Variants in EPHA8 observed in about 807,000 individuals in gnomAD.
EPHA8 encodes the protein ephrin type-A receptor 8.
In EPHA8, 58 loss-of-function variants were observed where a neutral mutation model predicts 103.6. The ratio of observed to expected loss-of-function variants is 0.56; its 90% CI spans 0.45 to 0.70. EPHA8 has a LOEUF of 0.70. EPHA8 is among the 30% of genes least tolerant of loss of function. EPHA8 has a pLI of 0.00. For missense variants in EPHA8, 1,304 were observed against 1,395.2 expected (o/e 0.93, Z 1.04); for synonymous variants, 559 against 572.5 (o/e 0.98, Z 0.34).
chr1:22,576,865 C>T lies in EPHA8; in HGVS notation c.808C>T (p.Arg270Trp). Residue 270 changes from arginine (R) to tryptophan (W), a missense_variant, in exon 3 of 17, where the codon CGG becomes TGG. Transcript: ENST00000166244. The surrounding 1 kb of genome is among the most constrained non-coding windows in gnomAD (Gnocchi z 4.8). ...GTGCAGTGCCGGCTACGAGGAGCGGCGGGATGCCTGTGTGGGTGAGCGCGC... is the reference window on the plus strand; with the variant it reads ...GTGCAGTGCCGGCTACGAGGAGCGGTGGGATGCCTGTGTGGGTGAGCGCGC... ...CVCSAGYEER[R>W]DACVACELGF... is the part of the protein sequence containing the mutation. The T allele has an allele frequency of 6.3e-7, 1 of 1,593,438 alleles. No individual in the cohort carries two copies. The highest frequency in any genetic ancestry group is 8.6e-7 in the Non-Finnish European group (1 of 1,167,750).
intron 2 of EPHA8, among the ~76,000 whole-genome samples, chr1:22,571,559 T>A (rs920329350): frequency 6.6e-6 from 1 of 152,266 alleles, no homozygotes; most frequent in Non-Finnish European, 1.5e-5. Context: ...AAGCCTGCAC[T>A]CTCTGCTGAG....
Position 22,597,467 on chromosome 1 carries a change from A to T in EPHA8, c.1921A>T (p.Ile641Phe). ...CTCTAGGATCCACATCGAGAAAATC[A>T]TCGGCTCTGGTGAGTCTCAGGGGTT... is the stretch of plus-strand genomic sequence containing the variant. ...EASRIHIEKI[I>F]GSGDSGEVCY... Residue 641 changes from isoleucine to phenylalanine, a missense_variant, in exon 10 of 17, where the codon ATC (isoleucine) becomes TTC (phenylalanine). By Grantham distance (21) the Ile-to-Phe change is conservative. Coordinates refer to ENST00000166244, the MANE Select transcript of EPHA8 (RefSeq NM_020526.5). This position sits in a 1 kb window ranked among gnomAD's most constrained non-coding sequence, Gnocchi z 4.6. 6.2e-7 allele frequency: 1 copy of T among 1,612,990 alleles called. No homozygotes were observed. Among genetic ancestry groups the T allele is most frequent in the African/African-American group, 1.3e-5 (1 of 75,044 alleles).
At chr1:22,592,403 C>T (rs1273462344) in intron 5 of EPHA8, among the ~76,000 whole-genome samples, 1 of 152,210 alleles carries the variant, frequency 6.6e-6, no homozygotes, top group Non-Finnish European at 1.5e-5. Flanking sequence ...AAGTGACTCA[C>T]CCAGGGTCCC....
intron 5 of EPHA8, 24 bp from the exon 6 acceptor site, chr1:22,593,302 A>T (rs1478152721): frequency 1.3e-6 from 2 of 1,549,844 alleles, no homozygotes; most frequent in Non-Finnish European, 1.7e-6. Context: ...CCCTCCGCCC[A>T]TCTGACGGGA....
chr1:22,595,125 A>T, intron 7 of EPHA8, 105 bp from the exon 8 acceptor site: 1 of 908,804 alleles, frequency 1.1e-6, no homozygotes, highest in Non-Finnish European at 1.6e-6. Flanking sequence ...TGGGCTCCCC[A>T]CTGGCCCCAG....
Position 22,569,307 on chromosome 1 carries a change from C to T in EPHA8, c.113C>T (p.Ser38Leu), listed in dbSNP as rs767316353. ...ARGEVNLLDT[S>L]TIHGDWGWLT... ...TTTACAGTGAATTTGCTGGACACGT[C>T]GACCATCCACGGGGACTGGGGCTGG... The change falls in exon 2 of 17, where the codon TCG becomes TTG. Residue 38 changes from serine (S) to leucine (L), a missense_variant. By Grantham distance (145) the Ser-to-Leu change is moderately radical (BLOSUM62 -2). Coordinates refer to ENST00000166244, the MANE Select transcript of EPHA8 (RefSeq NM_020526.5). The surrounding 1 kb of genome is among the most constrained non-coding windows in gnomAD (Gnocchi z 4.5). 1.1e-5 allele frequency: 17 copies of T among 1,611,432 alleles called. No homozygotes were observed. Among genetic ancestry groups the T allele is most frequent in the African/African-American group, 5.3e-5 (4 of 74,844 alleles).
At position 22,597,741 on chromosome 1, in the gene EPHA8, A is replaced by C. The variant is rs368786183; in HGVS notation, c.1996A>C (p.Ile666Leu). 440 of 1,612,946 alleles carry C rather than the reference A, an allele frequency of 2.7e-4. No individual in the cohort carries two copies. Among genetic ancestry groups the C allele is most frequent in the Non-Finnish European group, 3.5e-4 (412 of 1,179,964 alleles). The change falls in exon 11 of 17, where the codon ATC becomes CTC. Residue 666 changes from isoleucine to leucine, a missense_variant. Ile to Leu is a conservative substitution (Grantham distance 5). Coordinates refer to ENST00000166244, the MANE Select transcript of EPHA8 (RefSeq NM_020526.5). The surrounding 1 kb of genome is among the most constrained non-coding windows in gnomAD (Gnocchi z 4.6). ...AGGGCAGCGGGATGTGCCCGTGGCC[A>C]TCAAGGCCCTCAAAGCCGGCTACAC... ...VPGQRDVPVA[I>L]KALKAGYTER...
intron 3 of EPHA8, among the ~76,000 whole-genome samples, chr1:22,585,053 GCAC>G (rs1557568072): frequency 1.8e-4 from 17 of 94,232 alleles, no homozygotes; most frequent in African/African-American, 8.9e-4. Flanking sequence ...GTGTGTGTGC[GCAC>G]GCGTGTGTCT....
intron 3 of EPHA8, among the ~76,000 whole-genome samples, chr1:22,578,203 C>CAT (rs144731324): frequency 0.45 from 34,357 of 76,878 alleles, 5,368 homozygotes; most frequent in African/African-American, 0.59. Flanking sequence ...TGTGTGCGTG[C>CAT]GAGTGTGTGC....
intron 8 of EPHA8, 78 bp from the exon 9 acceptor site, chr1:22,596,028 T>C: frequency 2.2e-6 from 3 of 1,357,754 alleles, no homozygotes; most frequent in South Asian, 1.2e-5. Context: ...AGAGAAGCCA[T>C]GACTCGTTCC....
At chr1:22,577,070 G>A (rs1177394337) in intron 3 of EPHA8, among the ~76,000 whole-genome samples, 190 bp downstream of exon 3, 1 of 152,172 alleles carries the variant, frequency 6.6e-6, no homozygotes, top group South Asian at 2.1e-4. Flanking sequence ...TCCGTGTGTT[G>A]GGAAGGACGT....
At chr1:22,585,070 G>A (rs1641165344) in intron 3 of EPHA8, among the ~76,000 whole-genome samples, 1 of 110,522 alleles carries the variant, frequency 9.0e-6, no homozygotes, top group Admixed American at 8.5e-5. Context: ...TGTGTCTAGA[G>A]TTCCAGAAGG....
At position 22,569,287 on chromosome 1, in the gene EPHA8, A is replaced by C; in HGVS notation, c.95-2A>C. The C allele has an allele frequency of 6.2e-7, 1 of 1,613,282 alleles. No individual in the cohort carries two copies. The highest frequency in any genetic ancestry group is 8.5e-7 in the Non-Finnish European group (1 of 1,179,658). On this transcript the variant is annotated splice_acceptor_variant, in intron 1 of 16. Transcript: ENST00000166244. LOFTEE classifies it high-confidence loss of function. This position sits in a 1 kb window ranked among gnomAD's most constrained non-coding sequence, Gnocchi z 4.5. ...GATGCCCTCTTGTCTCCTGTTTTAC[A>C]GTGAATTTGCTGGACACGTCGACCA... is the stretch of plus-strand genomic sequence containing the variant.
At chr1:22,564,097 T>G (rs1569935501) in intron 1 of EPHA8, among the ~76,000 whole-genome samples, 1 of 121,088 alleles carries the variant, frequency 8.3e-6, no homozygotes, top group South Asian at 2.6e-4. Context: ...TACAGTGAGG[T>G]AGGGCAAGGA....
At position 22,567,161 on chromosome 1, in the gene EPHA8, C is replaced by A. The variant is rs932847468; in HGVS notation, c.95-2128C>A. Reference sequence around the variant, plus strand: ...CAGTGGACATCCACTTGAGTGGCTCCGGGATAGGGACAGGTCTGGGCTGCA... The same window carrying A: ...CAGTGGACATCCACTTGAGTGGCTCAGGGATAGGGACAGGTCTGGGCTGCA... On this transcript the variant is annotated intron_variant, in intron 1 of 16. Coordinates refer to ENST00000166244, the MANE Select transcript of EPHA8 (RefSeq NM_020526.5). The surrounding 1 kb of genome is among the most constrained non-coding windows in gnomAD (Gnocchi z 4.2). Among the ~76,000 whole-genome samples the A allele has an allele frequency of 6.6e-6, 1 of 152,116 alleles. No homozygotes were observed. The highest frequency in any genetic ancestry group is 1.5e-5 in the Non-Finnish European group (1 of 68,006).
chr1:22,589,164 C>A lies in EPHA8; in HGVS notation c.1273C>A (p.Pro425Thr). ...TGGCGTGTCCGACCTGAGCCCCGAG[C>A]CCCGCCGGGCCGCTGTGGTCAACAT... is the stretch of plus-strand genomic sequence containing the variant. The part of the protein sequence containing the change: ...VNGVSDLSPE[P>T]RRAAVVNITT... Residue 425 changes from proline to threonine, a missense_variant, in exon 5 of 17, where the codon CCC becomes ACC. Transcript: ENST00000166244. The surrounding 1 kb of genome is among the most constrained non-coding windows in gnomAD (Gnocchi z 4.3). 1 of 1,613,830 alleles carries A rather than the reference C, an allele frequency of 6.2e-7. No individual in the cohort carries two copies. The highest frequency in any genetic ancestry group is 8.5e-7 in the Non-Finnish European group (1 of 1,179,934).
At position 22,597,382 on chromosome 1, in the gene EPHA8, AC is replaced by A; in HGVS notation, c.1840del (p.His614ThrfsTer69). 1.2e-6 allele frequency: 2 copies of A among 1,613,338 alleles called. No homozygotes were observed. Among genetic ancestry groups the A allele is most frequent in the Non-Finnish European group, 1.7e-6 (2 of 1,179,954 alleles). On this transcript the variant is annotated frameshift_variant, in exon 10 of 17. Coordinates refer to ENST00000166244, the MANE Select transcript of EPHA8 (RefSeq NM_020526.5). LOFTEE classifies it high-confidence loss of function. This position sits in a 1 kb window ranked among gnomAD's most constrained non-coding sequence, Gnocchi z 4.6. Reference protein sequence around the residue: ...KLPEPQFYAEPHTYEEPGRAG... With the variant: ...KLPEPQFYAEXHTYEEPGRAG... Reference sequence around the variant, plus strand: ...TCCCAGAGCCCCAGTTCTATGCGGAACCCCACACCTACGAGGAGCCAGGCCG... The same window carrying A: ...TCCCAGAGCCCCAGTTCTATGCGGAACCCACACCTACGAGGAGCCAGGCCG...
chr1:22,569,454 C>T lies in EPHA8; in HGVS notation c.159+101C>T. 7.5e-7 allele frequency: 1 copy of T among 1,325,700 alleles called. No individual in the cohort carries two copies. The allele number at this position is 1,325,700 out of a possible 1,614,324, so 82.1% of individuals were successfully genotyped here. ...GATAGATCAAAAGGAAGCAGAGGCC[C>T]AGAGAGGTCAAGGGACTTACCCAAG... is the stretch of plus-strand genomic sequence containing the variant. On this transcript the variant is annotated intron_variant, in intron 2 of 16. Coordinates refer to ENST00000166244, the MANE Select transcript of EPHA8 (RefSeq NM_020526.5). The surrounding 1 kb of genome is among the most constrained non-coding windows in gnomAD (Gnocchi z 4.5).
chr1:22,564,398 G>A (rs551394745), intron 1 of EPHA8, among the ~76,000 whole-genome samples: 97 of 151,534 alleles, frequency 6.4e-4, no homozygotes, highest in Non-Finnish European at 2.1e-4. Flanking sequence ...AGGAGAGGCA[G>A]CTTCGTGGGC....
Sources: gnomAD v4.1 joint callset for allele counts (sites outside exome capture counted in the v4.1 genomes callset) on GRCh38, gnomAD v4.1.1 for gene constraint, Gnocchi (gnomAD v3.1) non-coding constraint, MANE v1.5 for transcripts, NCBI Gene and HGNC (gene_info 2026-07-23, HGNC 2026-07-21) for gene names.